Variants in TNS3 observed in about 807,000 individuals in gnomAD.
TNS3 encodes the protein tensin 3, also known as tensin-3.
TNS3 carries 45 observed loss-of-function variants against 140.9 expected under a neutral mutation model. That is an observed-to-expected ratio of 0.32 (90% CI 0.25 to 0.41). TNS3 has a LOEUF of 0.41. Among genes scored for constraint, TNS3 ranks in the 10% least tolerant of loss-of-function variants. TNS3 has a pLI of 1.00. For missense variants in TNS3, 1,716 were observed against 1,906.7 expected, an observed-to-expected ratio of 0.90 and a Z score of 1.86; for synonymous variants, 815 against 788.4, an observed-to-expected ratio of 1.03 and a Z score of -0.56.
intron 1 of TNS3, among the ~76,000 whole-genome samples, chr7:47,568,995 C>T (rs1584864800): frequency 1.3e-5 from 2 of 152,242 alleles, no homozygotes; most frequent in Admixed American, 1.3e-4. Context: ...ACCCACTCCT[C>T]CTCCAGGCAG....
At chr7:47,356,798 C>A (rs1403841787) in intron 17 of TNS3, among the ~76,000 whole-genome samples, 3 of 152,144 alleles carry the variant, frequency 2.0e-5, no homozygotes, top group African/African-American at 7.2e-5. Flanking sequence ...AAACAGGGGC[C>A]GGGCACAGTG....
chr7:47,537,974 C>A (rs1042981682), intron 1 of TNS3, among the ~76,000 whole-genome samples: 2 of 139,974 alleles, frequency 1.4e-5, no homozygotes, highest in East Asian at 2.2e-4. Flanking sequence ...GCACCCCCCC[C>A]ACCCCCCGCC....
intron 1 of TNS3, among the ~76,000 whole-genome samples, chr7:47,578,744 A>G (rs548086872): frequency 6.6e-6 from 1 of 152,370 alleles, no homozygotes; most frequent in African/African-American, 2.4e-5. Flanking sequence ...GAGTACAAAC[A>G]GAAAGCTCAC....
chr7:47,579,244 C>G (rs765131222), intron 1 of TNS3: 12 of 152,060 alleles, frequency 7.9e-5, no homozygotes, highest in Non-Finnish European at 1.5e-4. Context: ...TAGGTCATTC[C>G]AGGCACAGCT....
rs558347204 is a variant in TNS3 at position 47,566,547 on chromosome 7, C to CT, written c.-265+15503_-265+15504insA. Among the ~76,000 whole-genome samples, 91 of 152,286 alleles carry CT rather than the reference C, an allele frequency of 6.0e-4. 1 individual carries two copies. In the South Asian group the frequency reaches 0.019, roughly 31 times the overall value. On this transcript the variant is annotated intron_variant, in intron 1 of 30. Transcript: ENST00000311160. ...AGTAACAGTCTGATTATGTGCAAGA[C>CT]AATAGTGTTTCTAAAGTGCTTAAAA...
At chr7:47,397,908 TAAAC>T (rs774724239) in intron 15 of TNS3, among the ~76,000 whole-genome samples, 3 of 152,072 alleles carry the variant, frequency 2.0e-5, no homozygotes, top group Non-Finnish European at 2.9e-5. Context: ...TTTGAAAAGA[TAAAC>T]AAAACTGATA....
rs552078177 is a variant in TNS3 at position 47,576,813 on chromosome 7, C to T, written c.-265+5238G>A. ...CTGTGTTCCAGGGTGATGGGGAGAG[C>T]GCAGATTCCTGAATCCTCCAGCGAG... is the stretch of plus-strand genomic sequence containing the variant. On this transcript the variant is annotated intron_variant, in intron 1 of 30. Transcript: ENST00000311160. Among the ~76,000 whole-genome samples the T allele has an allele frequency of 1.5e-4, 23 of 152,296 alleles. No individual in the cohort carries two copies. The South Asian group carries it at 1.9e-3, about 12-fold the overall frequency.
intron 4 of TNS3, among the ~76,000 whole-genome samples, chr7:47,467,809 G>A (rs1169024994): frequency 2.0e-5 from 3 of 152,140 alleles, no homozygotes; most frequent in African/African-American, 7.2e-5. Context: ...AACAGGAGGG[G>A]CCTGAGCCTA....
Position 47,389,086 on chromosome 7 carries a change from G to GAAGCA in TNS3, c.1024+7713_1024+7714insTGCTT, listed in dbSNP as rs1290389805. Among the ~76,000 whole-genome samples the GAAGCA allele has an allele frequency of 1.3e-4, 7 of 52,368 alleles. 1 individual carries two copies. Among genetic ancestry groups the GAAGCA allele is most frequent in the African/African-American group, 1.1e-3 (7 of 6,546 alleles). The allele number at this position is 52,368 out of a possible 152,430, so 34.4% of individuals were successfully genotyped here. ...AAGAAGAAGAAGAAGAAGAAGAAGA[G>GAAGCA]GAAGAGGAAGAGGAAGCGGAAGCAG... On this transcript the variant is annotated intron_variant, in intron 16 of 30. Coordinates refer to ENST00000311160, the MANE Select transcript of TNS3 (RefSeq NM_022748.12).
rs148482857 is a variant in TNS3 at position 47,476,705 on chromosome 7, C to T, written c.-76+4398G>A. On this transcript the variant is annotated intron_variant, in intron 4 of 30. Transcript: ENST00000311160. ...TAATTTCCCACGTCGCACATTTTCT[C>T]TGCTGATTCTTGTTTCTTCCCACCT... Among the ~76,000 whole-genome samples, 878 of 152,320 alleles carry T rather than the reference C, an allele frequency of 5.8e-3. 9 individuals carry two copies. Among genetic ancestry groups the T allele is most frequent in the Non-Finnish European group, 6.1e-3 (416 of 68,040 alleles).
intron 10 of TNS3, among the ~76,000 whole-genome samples, chr7:47,417,204 G>A (rs551961765): frequency 2.0e-4 from 31 of 152,320 alleles, no homozygotes; most frequent in East Asian, 7.7e-4. Context: ...CAGAGTTAGC[G>A]CCAAGGTCCT....
intron 1 of TNS3, chr7:47,539,032 G>C (rs529770837): frequency 1.1e-5 from 5 of 456,548 alleles, no homozygotes; most frequent in Admixed American, 7.0e-5. Context: ...TTTACCCAGG[G>C]CAAACACGCC....
intron 1 of TNS3, among the ~76,000 whole-genome samples, chr7:47,569,173 G>T (rs7806432): frequency 8.1e-4 from 124 of 152,214 alleles, no homozygotes; most frequent in African/African-American, 2.3e-3. Flanking sequence ...AAGCAAAAAG[G>T]GGGAGAGGAG....
chr7:47,409,502 G>C (rs76668076), intron 13 of TNS3, among the ~76,000 whole-genome samples: 1 of 152,080 alleles, frequency 6.6e-6, no homozygotes, highest in South Asian at 2.1e-4. Context: ...TTAAAGGGAC[G>C]GAGCCGTGGG....
In TNS3 at chr7:47,505,983, AC is replaced by A. The variant is rs1798402700; in HGVS notation, c.-115+923del. On this transcript the variant is annotated intron_variant, in intron 3 of 30. Transcript: ENST00000311160. ...AAGTCAGCTTCCAGCATAGCCTTCC[AC>A]TCGGAGCCGAAGGCAGGGCTGGAAA... Among the ~76,000 whole-genome samples, 7 of 152,012 alleles carry A rather than the reference AC, an allele frequency of 4.6e-5. No individual in the cohort carries two copies. The South Asian group carries it at 1.5e-3, about 32-fold the overall frequency.
intron 20 of TNS3, among the ~76,000 whole-genome samples, chr7:47,331,164 G>C (rs1584416078): frequency 6.6e-6 from 1 of 152,132 alleles, no homozygotes; most frequent in Non-Finnish European, 1.5e-5. Flanking sequence ...GGCAGTTCTC[G>C]AAGGCCTGGG....
intron 4 of TNS3, among the ~76,000 whole-genome samples, chr7:47,452,586 G>A (rs1206739040): frequency 1.3e-5 from 2 of 152,188 alleles, no homozygotes; most frequent in Non-Finnish European, 2.9e-5. Context: ...GGCTGGTTTG[G>A]AACCATATGG....
chr7:47,423,712 A>G (rs1794499275), intron 10 of TNS3, among the ~76,000 whole-genome samples: 1 of 152,234 alleles, frequency 6.6e-6, no homozygotes, highest in South Asian at 2.1e-4. Flanking sequence ...TGTAGCCTGC[A>G]AAGCCTAAAA....
At chr7:47,280,126 A>T in intron 30 of TNS3, 38 bp downstream of exon 30, 1 of 1,613,102 alleles carries the variant, frequency 6.2e-7, no homozygotes, top group Non-Finnish European at 8.5e-7. Flanking sequence ...GTACAACTGC[A>T]GACAAGGAGA....
Sources: gnomAD v4.1 joint callset for allele counts (sites outside exome capture counted in the v4.1 genomes callset) on GRCh38, gnomAD v4.1.1 for gene constraint, MANE v1.5 for transcripts, NCBI Gene and HGNC (gene_info 2026-07-23, HGNC 2026-07-21) for gene names.